PANX2: variants seen among roughly 807,000 people sequenced by gnomAD.
PANX2 encodes the protein pannexin 2, also known as pannexin-2.
In PANX2, 30 loss-of-function variants were observed where a neutral mutation model predicts 38.7. The ratio of observed to expected loss-of-function variants is 0.78; its 90% CI spans 0.58 to 1.05. PANX2 has a LOEUF of 1.05. PANX2 is among the 50% of genes least tolerant of loss of function. The pLI is 0.00. For synonymous variants in PANX2, 539 were observed against 472.1 expected (o/e 1.14, Z -1.84); for missense variants, 880 against 979.3 (o/e 0.90, Z 1.35).
chr22:50,171,230 C>T (rs1183868971), intron 1 of PANX2, among the ~76,000 whole-genome samples: 1 of 152,216 alleles, frequency 6.6e-6, no homozygotes, highest in Non-Finnish European at 1.5e-5. Context: ...ACCCAGGGGT[C>T]CCAAATGTCA....
Position 50,178,298 on chromosome 22 carries a change from C to T in PANX2, c.1586C>T (p.Ala529Val). The part of the protein sequence containing the change: ...PYILGTKKAK[A>V]EAVPAALPAS... ...ATCCTCGGCACCAAGAAGGCCAAGG[C>T]CGAGGCGGTGCCCGCCGCCCTGCCC... The change falls in exon 2 of 3, where the codon GCC (alanine) becomes GTC (valine). Residue 529 changes from alanine to valine, a missense_variant. By Grantham distance (64) the Ala-to-Val change is moderately conservative (BLOSUM62 0). Transcript: ENST00000395842. 1.3e-6 allele frequency: 2 copies of T among 1,526,270 alleles called. No homozygotes were observed. The highest frequency in any genetic ancestry group is 2.1e-5 in the Admixed American group (1 of 48,288). 94.5% of individuals were successfully genotyped at this position (1,526,270 alleles called of 1,614,324 possible).
rs1191333460 is a variant in PANX2, at chr22:50,179,568, C to T, written c.*291C>T. On this transcript the variant is annotated 3_prime_UTR_variant, in exon 3 of 3. Transcript: ENST00000395842. ...CATGCTCCTGCATCAGGTGCCCAGC[C>T]GTGGGTGGGGGCCCTGAGGTGAAGA... 8.8e-6 allele frequency: 4 copies of T among 454,794 alleles called. No individual in the cohort carries two copies. Among genetic ancestry groups the T allele is most frequent in the Non-Finnish European group, 1.2e-5 (3 of 253,650 alleles). 28.2% of individuals were successfully genotyped at this position (454,794 alleles called of 1,614,324 possible).
At position 50,179,019 on chromosome 22, in the gene PANX2, C is replaced by G. The variant is rs748474134; in HGVS notation, c.1776C>G (p.Arg592=). ...GLPSGGPFHV[R]SPPAAPAVAP... The stretch of plus-strand genomic sequence containing the variant: ...CCTCGGGGGGCCCGTTCCACGTCCG[C>G]TCACCTCCCGCCGCCCCTGCTGTGG... Residue 592 remains arginine (R), a synonymous_variant, in exon 3 of 3, where the codon CGC becomes CGG. Coordinates refer to ENST00000395842, the MANE Select transcript of PANX2 (RefSeq NM_052839.4). The G allele has an allele frequency of 6.2e-7, 1 of 1,610,638 alleles. No homozygotes were observed. The highest frequency in any genetic ancestry group is 2.2e-5 in the East Asian group (1 of 44,818).
At position 50,179,075 on chromosome 22, in the gene PANX2, C is replaced by G. The variant is rs750299983; in HGVS notation, c.1832C>G (p.Ala611Gly). 28 of 1,610,956 alleles carry G rather than the reference C, an allele frequency of 1.7e-5. No individual in the cohort carries two copies. The African/African-American group carries it at 3.1e-4, about 18-fold the overall frequency. ...APLTPASLGK[A>G]EPLTILSRNA... ...CTGACACCAGCCAGCCTGGGCAAGG[C>G]GGAGCCCCTCACCATCCTGAGCCGA... Residue 611 changes from alanine (A) to glycine (G), a missense_variant, in exon 3 of 3, where the codon GCG becomes GGG. Physicochemically the swap from Ala to Gly is moderately conservative, Grantham distance 60. Coordinates refer to ENST00000395842, the MANE Select transcript of PANX2 (RefSeq NM_052839.4).
Position 50,177,985 on chromosome 22 carries a change from C to A in PANX2, c.1273C>A (p.Arg425=), listed in dbSNP as rs1390328454. 3.3e-6 allele frequency: 5 copies of A among 1,536,648 alleles called. No homozygotes were observed. Among genetic ancestry groups the A allele is most frequent in the African/African-American group, 1.4e-5 (1 of 72,462 alleles). Residue 425 remains arginine (R), a synonymous_variant, in exon 2 of 3, where the codon CGG becomes AGG. Transcript: ENST00000395842. ...CGCCGCCGAGCCGCCCGTGGTCAAG[C>A]GGCCGCGCAAGAAGATGAAGTGGAT... ...DGAAEPPVVK[R]PRKKMKWIPT... is the part of the protein sequence containing the mutation.
At position 50,179,283 on chromosome 22, in the gene PANX2, G is replaced by A. The variant is rs1164312357; in HGVS notation, c.*6G>A. On this transcript the variant is annotated 3_prime_UTR_variant, in exon 3 of 3. Coordinates refer to ENST00000395842, the MANE Select transcript of PANX2 (RefSeq NM_052839.4). ...TGAGTACTGTGGAGTTTTGAGGGAT[G>A]GCACCGTCCAGGCCGCCGAGAGCCC... 11 of 1,609,746 alleles carry A rather than the reference G, an allele frequency of 6.8e-6. 1 individual carries two copies. The highest frequency in any genetic ancestry group is 5.3e-5 in the African/African-American group (4 of 74,882).
At chr22:50,175,327 G>A in intron 1 of PANX2, 2 of 398,230 alleles carry the variant, frequency 5.0e-6, no homozygotes, top group South Asian at 4.5e-5. Context: ...AGGGTTCTGG[G>A]GCCTCTCCCC....
intron 1 of PANX2, among the ~76,000 whole-genome samples, chr22:50,173,230 G>A (rs1396661758): frequency 6.6e-6 from 1 of 152,120 alleles, no homozygotes; most frequent in Non-Finnish European, 1.5e-5. Flanking sequence ...ACGGGGTTTT[G>A]CCATGTTGGC....
Position 50,177,906 on chromosome 22 carries a change from C to A in PANX2, c.1194C>A (p.Arg398=), listed in dbSNP as rs566535776. ...ACCACGACGCCACCCCCACGGTGCG[C>A]GACTCGGGGGTGCAGACCGTGGACC... ...QSNHDATPTV[R]DSGVQTVDPS... is the part of the protein sequence containing the mutation. Residue 398 remains arginine (R), a synonymous_variant, in exon 2 of 3, where the codon CGC becomes CGA. Transcript: ENST00000395842. 2.0e-4 allele frequency: 309 copies of A among 1,529,862 alleles called. 2 individuals are homozygous for A. The South Asian group carries it at 3.0e-3, about 15-fold the overall frequency. The allele number at this position is 1,529,862 out of a possible 1,614,324, so 94.8% of individuals were successfully genotyped here.
At chr22:50,173,108 G>C (rs1338946516) in intron 1 of PANX2, among the ~76,000 whole-genome samples, 1 of 152,124 alleles carries the variant, frequency 6.6e-6, no homozygotes. Flanking sequence ...ATGTTGGCCA[G>C]GATGGTCTCG....
At position 50,177,152 on chromosome 22, in the gene PANX2, C is replaced by T. The variant is rs941735789; in HGVS notation, c.440C>T (p.Ser147Phe). 6.2e-7 allele frequency: 1 copy of T among 1,607,858 alleles called. No individual in the cohort carries two copies. Among genetic ancestry groups the T allele is most frequent in the Non-Finnish European group, 8.5e-7 (1 of 1,177,198 alleles). ...VPALGWEFLA[S>F]TRLTSELNFL... ...GCGCTGGGCTGGGAGTTCCTGGCCT[C>T]CACGCGCCTCACCTCCGAGCTCAAC... is the stretch of plus-strand genomic sequence containing the variant. Residue 147 changes from serine (S) to phenylalanine (F), a missense_variant, in exon 2 of 3, where the codon TCC becomes TTC. This residue lies in a region of PANX2 where 243 missense variants were observed against 333.1 expected (regional missense o/e 0.73). Transcript: ENST00000395842.
intron 1 of PANX2, among the ~76,000 whole-genome samples, chr22:50,172,451 A>G (rs968597159): frequency 6.6e-6 from 1 of 151,544 alleles, no homozygotes; most frequent in Non-Finnish European, 1.5e-5. Context: ...TTTTTTTTTG[A>G]GACAGAGTCT....
At position 50,172,832 on chromosome 22, in the gene PANX2, G is replaced by A. The variant is rs1347893427; in HGVS notation, c.226+1876G>A. ...CGACCTTTGCCTCCCGGGTTCAAGCGATTCTCCTGCTTCAGCTTCCCAAGT... is the reference window on the plus strand; with the variant it reads ...CGACCTTTGCCTCCCGGGTTCAAGCAATTCTCCTGCTTCAGCTTCCCAAGT... On this transcript the variant is annotated intron_variant, in intron 1 of 2. Coordinates refer to ENST00000395842, the MANE Select transcript of PANX2 (RefSeq NM_052839.4). 6.0e-5 allele frequency among the ~76,000 whole-genome samples: 9 copies of A among 149,490 alleles called. No individual in the cohort carries two copies. In the South Asian group the frequency reaches 8.6e-4, roughly 14 times the overall value.
chr22:50,177,547 T>A lies in PANX2; in HGVS notation c.835T>A (p.Cys279Ser). 6.2e-7 allele frequency: 1 copy of A among 1,611,824 alleles called. No homozygotes were observed. The highest frequency in any genetic ancestry group is 8.5e-7 in the Non-Finnish European group (1 of 1,179,570). Residue 279 changes from cysteine to serine, a missense_variant, in exon 2 of 3, where the codon TGC becomes AGC. Coordinates refer to ENST00000395842, the MANE Select transcript of PANX2 (RefSeq NM_052839.4). Reference protein sequence around the residue: ...AGAGPAVRVSCKLPSVQLQRI... With the variant: ...AGAGPAVRVSSKLPSVQLQRI... Reference sequence around the variant, plus strand: ...TGCGGGGCCCGCGGTGCGCGTGAGCTGCAAGCTCCCGTCCGTGCAACTGCA... The same window carrying A: ...TGCGGGGCCCGCGGTGCGCGTGAGCAGCAAGCTCCCGTCCGTGCAACTGCA...
intron 1 of PANX2, among the ~76,000 whole-genome samples, chr22:50,172,740 A>G (rs1056809148): frequency 2.3e-5 from 3 of 131,902 alleles, no homozygotes; most frequent in African/African-American, 8.6e-5. Context: ...TTTTATTTTT[A>G]TTTTTTGAGA....
rs78889708 is a variant in PANX2 at position 50,176,167 on chromosome 22, G to A, written c.227-772G>A. 3.7e-3 allele frequency among the ~76,000 whole-genome samples: 568 copies of A among 152,374 alleles called. 2 individuals are homozygous for A. The highest frequency in any genetic ancestry group is 5.1e-3 in the Non-Finnish European group (349 of 68,030). ...CTCAGACCCCACACTGGGCCAAGGC[G>A]CGAATGTCCTGAACACTTTCACTGC... is the stretch of plus-strand genomic sequence containing the variant. On this transcript the variant is annotated intron_variant, in intron 1 of 2. Coordinates refer to ENST00000395842, the MANE Select transcript of PANX2 (RefSeq NM_052839.4).
At chr22:50,174,741 C>G (rs1456599774) in intron 1 of PANX2, among the ~76,000 whole-genome samples, 2 of 152,228 alleles carry the variant, frequency 1.3e-5, no homozygotes, top group Non-Finnish European at 2.9e-5. Flanking sequence ...GGACAGAGGA[C>G]CCGTAGCAGT....
Position 50,178,179 on chromosome 22 carries a change from C to G in PANX2, c.1467C>G (p.Gly489=), listed in dbSNP as rs1349956437. 4 of 1,488,532 alleles carry G rather than the reference C, an allele frequency of 2.7e-6. No homozygotes were observed. The highest frequency in any genetic ancestry group is 3.5e-6 in the Non-Finnish European group (4 of 1,130,194). 92.2% of individuals were successfully genotyped at this position (1,488,532 alleles called of 1,614,324 possible). A position where few individuals can be genotyped will look rare whatever the true frequency, so the allele number is the denominator to read the frequency against. The change falls in exon 2 of 3, where the codon GGC becomes GGG. Residue 489 remains glycine (G), a synonymous_variant. Coordinates refer to ENST00000395842, the MANE Select transcript of PANX2 (RefSeq NM_052839.4). ...CCCACCACTACAAGGGCGGAGGGGG[C>G]GACCCGGGCCCCGGCCCCGCCCCTG... is the stretch of plus-strand genomic sequence containing the variant. ...RSAHHYKGGG[G]DPGPGPAPAP... is the part of the protein sequence containing the mutation.
At chr22:50,175,289 C>G (rs974413660) in intron 1 of PANX2, 27 of 281,318 alleles carry the variant, frequency 9.6e-5, no homozygotes, top group Admixed American at 9.4e-4. Context: ...CTTCCCATCT[C>G]CCTGCGGCCC....
Sources: gnomAD v4.1 joint callset for allele counts (sites outside exome capture counted in the v4.1 genomes callset) on GRCh38, gnomAD v4.1.1 for gene constraint, gnomAD v4.1.1 regional missense constraint, MANE v1.5 for transcripts, NCBI Gene and HGNC (gene_info 2026-07-23, HGNC 2026-07-21) for gene names.